MSANTD3: variants seen among roughly 807,000 people sequenced by gnomAD.
MSANTD3 encodes Myb/SANT DNA binding domain containing 3, also known as myb/SANT-like DNA-binding domain-containing protein 3.
Under a neutral mutation model 27.7 loss-of-function variants are expected in MSANTD3, and 11 were observed. That is an observed-to-expected ratio of 0.40 (90% CI 0.25 to 0.66). The LOEUF (loss-of-function observed/expected upper bound fraction) is 0.66, where lower values mean the gene tolerates loss of function less well. Among genes scored for constraint, MSANTD3 ranks in the 30% least tolerant of loss-of-function variants. The pLI is 0.41. For synonymous variants in MSANTD3, 131 were observed against 127.2 expected (o/e 1.03, Z -0.20); for missense variants, 250 against 336.5 (o/e 0.74, Z 2.01).
At chr9:100,445,478 T>C (rs1836732533) in intron 2 of MSANTD3, among the ~76,000 whole-genome samples, 2 of 152,262 alleles carry the variant, frequency 1.3e-5, no homozygotes, top group Admixed American at 1.3e-4. Flanking sequence ...AAATAATTTT[T>C]ATATTGTTAC....
At position 100,444,949 on chromosome 9, in the gene MSANTD3, C is replaced by T. The variant is rs1836718735; in HGVS notation, c.418+2593C>T. The stretch of plus-strand genomic sequence containing the variant: ...AAATTGGATGTTTGTACATAGATGA[C>T]ACTGGGGACTTCCCTTTTTGCTGGT... On this transcript the variant is annotated intron_variant, in intron 2 of 2. Coordinates refer to ENST00000395067, the MANE Select transcript of MSANTD3 (RefSeq NM_080655.3). 5 of 475,876 alleles carry T rather than the reference C, an allele frequency of 1.1e-5. No homozygotes were observed. The South Asian group carries it at 1.6e-4, about 16-fold the overall frequency. The allele number at this position is 475,876 out of a possible 1,614,324, so 29.5% of individuals were successfully genotyped here. A position where few individuals can be genotyped will look rare whatever the true frequency, so the allele number is the denominator to read the frequency against.
rs1836648972 is a variant in MSANTD3, at chr9:100,442,369, G to C, written c.418+13G>C. 1 of 1,602,128 alleles carries C rather than the reference G, an allele frequency of 6.2e-7. No homozygotes were observed. Among genetic ancestry groups the C allele is most frequent in the African/African-American group, 1.3e-5 (1 of 74,584 alleles). On this transcript the variant is annotated intron_variant, in intron 2 of 2. Transcript: ENST00000395067. ...GCCTCAGCCCAAGGTATCCGTTCCT[G>C]ATGCCAGTGTGCACGCTCTCACTGG...
chr9:100,437,490 A>T (rs1483367672), intron 1 of MSANTD3, among the ~76,000 whole-genome samples: 3 of 152,186 alleles, frequency 2.0e-5, no homozygotes, highest in Non-Finnish European at 4.4e-5. Context: ...TGGGAATGGT[A>T]ATTGGTTAAG....
chr9:100,430,656 G>C (rs1027241828), intron 1 of MSANTD3, among the ~76,000 whole-genome samples: 1 of 152,220 alleles, frequency 6.6e-6, no homozygotes. Flanking sequence ...TTAGAGATTA[G>C]CTCTGTCCAC....
chr9:100,447,640 G>A (rs1290090109), intron 2 of MSANTD3, among the ~76,000 whole-genome samples: 2 of 152,192 alleles, frequency 1.3e-5, no homozygotes, highest in Non-Finnish European at 2.9e-5. Flanking sequence ...TGTAGTGGTT[G>A]AGTTTGGATT....
At chr9:100,432,183 G>A (rs767314307) in intron 1 of MSANTD3, among the ~76,000 whole-genome samples, 14 of 152,122 alleles carry the variant, frequency 9.2e-5, no homozygotes, top group Non-Finnish European at 1.6e-4. Context: ...GCCTGGAGTG[G>A]GTGGAAAAGT....
At chr9:100,430,602 C>A (rs1437324967) in intron 1 of MSANTD3, among the ~76,000 whole-genome samples, 1 of 152,078 alleles carries the variant, frequency 6.6e-6, no homozygotes, top group Non-Finnish European at 1.5e-5. Flanking sequence ...TAGGAAGATC[C>A]CTGTAGTTGT....
At chr9:100,443,637 G>GA (rs969387413) in intron 2 of MSANTD3, among the ~76,000 whole-genome samples, 11 of 151,980 alleles carry the variant, frequency 7.2e-5, no homozygotes, top group African/African-American at 2.2e-4. Flanking sequence ...AATTCTTGGG[G>GA]AAAAAAACAC....
chr9:100,442,383 C>T lies in MSANTD3; in HGVS notation c.418+27C>T, dbSNP rs182894493. ...TATCCGTTCCTGATGCCAGTGTGCA[C>T]GCTCTCACTGGGTATCTGTTTGACA... On this transcript the variant is annotated intron_variant, in intron 2 of 2. Transcript: ENST00000395067. 4.7e-5 allele frequency: 74 copies of T among 1,582,340 alleles called. No individual in the cohort carries two copies. The East Asian group carries it at 1.5e-3, about 31-fold the overall frequency.
intron 1 of MSANTD3, among the ~76,000 whole-genome samples, chr9:100,432,919 T>C (rs988119554): frequency 6.6e-6 from 1 of 152,212 alleles, no homozygotes; most frequent in African/African-American, 2.4e-5. Context: ...CAGTACTGGA[T>C]AGGACTTTAG....
intron 1 of MSANTD3, among the ~76,000 whole-genome samples, chr9:100,433,820 C>T (rs555070657): frequency 5.3e-5 from 8 of 152,282 alleles, no homozygotes; most frequent in East Asian, 3.9e-4. Context: ...AGGGCTGCCA[C>T]GTGTCCTTCA....
At chr9:100,440,806 T>TA in intron 1 of MSANTD3, among the ~76,000 whole-genome samples, 2 of 129,962 alleles carry the variant, frequency 1.5e-5, no homozygotes, top group South Asian at 4.8e-4. Context: ...TTTTTTTTTT[T>TA]TAGAGACAGG....
At chr9:100,440,676 G>A (rs908100408) in intron 1 of MSANTD3, among the ~76,000 whole-genome samples, 1 of 145,202 alleles carries the variant, frequency 6.9e-6, no homozygotes, top group Admixed American at 7.1e-5. Context: ...CTGTAGCCTC[G>A]ACCTCCTGGG....
intron 2 of MSANTD3, 39 bp downstream of exon 2, chr9:100,442,395 G>T: frequency 6.5e-7 from 1 of 1,545,394 alleles, no homozygotes; most frequent in Admixed American, 2.1e-5. Context: ...CTCTCACTGG[G>T]TATCTGTTTG....
At chr9:100,431,357 G>A (rs1221680480) in intron 1 of MSANTD3, among the ~76,000 whole-genome samples, 1 of 148,208 alleles carries the variant, frequency 6.7e-6, no homozygotes. Flanking sequence ...CTAGGTTGGA[G>A]TGCAGTGGTG....
intron 1 of MSANTD3, among the ~76,000 whole-genome samples, chr9:100,432,253 T>A (rs1447779090): frequency 6.6e-6 from 1 of 152,024 alleles, no homozygotes; most frequent in African/African-American, 2.4e-5. Flanking sequence ...TGGAAAGCTC[T>A]CGAAAAGGAA....
At chr9:100,430,553 G>C (rs1177081136) in intron 1 of MSANTD3, among the ~76,000 whole-genome samples, 1 of 152,140 alleles carries the variant, frequency 6.6e-6, no homozygotes, top group Admixed American at 6.5e-5. Flanking sequence ...AGAGACGTCT[G>C]AGGTTTACAA....
chr9:100,442,580 G>C (rs1836654508), intron 2 of MSANTD3, among the ~76,000 whole-genome samples: 1 of 152,104 alleles, frequency 6.6e-6, no homozygotes, highest in Non-Finnish European at 1.5e-5. Flanking sequence ...GCTGAGGCGG[G>C]AGGATGGCTT....
chr9:100,429,746 A>C (rs1398641017), intron 1 of MSANTD3: 6 of 151,962 alleles, frequency 3.9e-5, no homozygotes, highest in Non-Finnish European at 8.8e-5. Context: ...TCTGTTGCCC[A>C]GGCTGGAGTG....
Sources: gnomAD v4.1 joint callset for allele counts (sites outside exome capture counted in the v4.1 genomes callset) on GRCh38, gnomAD v4.1.1 for gene constraint, MANE v1.5 for transcripts, NCBI Gene and HGNC (gene_info 2026-07-23, HGNC 2026-07-21) for gene names.